The following CFAP54 variants were observed in gnomAD, a reference collection of about 807,000 sequenced individuals.
The protein encoded by CFAP54 is cilia- and flagella-associated protein 54.
CFAP54 carries 290 observed loss-of-function variants against 370.4 expected under a neutral mutation model. The ratio of observed to expected loss-of-function variants is 0.78; its 90% CI spans 0.71 to 0.86. CFAP54 has a LOEUF of 0.86. Ranked by LOEUF, CFAP54 falls within the 40% of genes least tolerant of loss-of-function variation. CFAP54 has a pLI of 0.00. For synonymous variants in CFAP54, 1,206 were observed against 1,236.5 expected (o/e 0.98, Z 0.52); for missense variants, 3,399 against 3,528.7 (o/e 0.96, Z 0.93).
rs543452330 is a variant in CFAP54 at position 96,725,193 on chromosome 12, T to C, written c.6965+4628T>C. Among the ~76,000 whole-genome samples, 33 of 151,816 alleles carry C rather than the reference T, an allele frequency of 2.2e-4. 2 individuals are homozygous for C. In the East Asian group the frequency reaches 6.4e-3, roughly 29 times the overall value. On this transcript the variant is annotated intron_variant, in intron 50 of 67. Transcript: ENST00000524981. ...TGGTTCCATATGAACTTTAAAGTAA[T>C]TTTTTCCAATTCTGTGAAGAAAGTC...
chr12:96,713,348 A>G (rs1957635611), intron 48 of CFAP54, among the ~76,000 whole-genome samples: 1 of 152,198 alleles, frequency 6.6e-6, no homozygotes, highest in African/African-American at 2.4e-5. Context: ...AATATTATTC[A>G]GCCATAAAAA....
chr12:96,578,281 A>G (rs775737116), intron 20 of CFAP54, among the ~76,000 whole-genome samples: 2 of 152,186 alleles, frequency 1.3e-5, no homozygotes, highest in Non-Finnish European at 2.9e-5. Flanking sequence ...GACAACCTTC[A>G]TAGTGCTTTA....
chr12:96,674,028 G>A (rs1172617721), intron 39 of CFAP54, among the ~76,000 whole-genome samples: 2 of 152,224 alleles, frequency 1.3e-5, no homozygotes, highest in Non-Finnish European at 2.9e-5. Flanking sequence ...TAACTCCATG[G>A]ATATGCCTTT....
chr12:96,769,924 C>T (rs948432249), intron 60 of CFAP54, among the ~76,000 whole-genome samples: 3 of 152,164 alleles, frequency 2.0e-5, no homozygotes, highest in African/African-American at 7.2e-5. Context: ...CCTCTTGAAA[C>T]AGAGCAAACC....
intron 23 of CFAP54, among the ~76,000 whole-genome samples, chr12:96,590,114 T>C (rs1344693363): frequency 6.6e-6 from 1 of 152,160 alleles, no homozygotes; most frequent in Non-Finnish European, 1.5e-5. Flanking sequence ...GAAATAAAAA[T>C]ACCAACTACA....
chr12:96,761,759 G>A (rs755404725), intron 58 of CFAP54, among the ~76,000 whole-genome samples: 69 of 152,048 alleles, frequency 4.5e-4, no homozygotes, highest in Non-Finnish European at 7.9e-4. Context: ...TCCTTTTCTC[G>A]TTGGATTGCT....
chr12:96,727,400 T>C, intron 50 of CFAP54, among the ~76,000 whole-genome samples: 1 of 147,730 alleles, frequency 6.8e-6, no homozygotes, highest in Non-Finnish European at 1.5e-5. Flanking sequence ...TTAGCGCTTC[T>C]TGTTGAATTG....
chr12:96,755,042 C>A (rs1011732989), intron 56 of CFAP54, among the ~76,000 whole-genome samples: 1 of 152,130 alleles, frequency 6.6e-6, no homozygotes, highest in Non-Finnish European at 1.5e-5. Context: ...CCAGGCCCAG[C>A]CTGCTAATGC....
Position 96,560,313 on chromosome 12 carries a change from G to A in CFAP54, c.2411-4155G>A, listed in dbSNP as rs546760333. Among the ~76,000 whole-genome samples the A allele has an allele frequency of 3.9e-5, 6 of 151,960 alleles. No individual in the cohort carries two copies. The South Asian group carries it at 6.2e-4, about 16-fold the overall frequency. On this transcript the variant is annotated intron_variant, in intron 17 of 67. Coordinates refer to ENST00000524981, the MANE Select transcript of CFAP54 (RefSeq NM_001306084.2). Reference sequence around the variant, plus strand: ...TCCCAGCCTCTGTTAACCATCATTCGACTCTCTACCTCCATGAGGTAAACT... The same window carrying A: ...TCCCAGCCTCTGTTAACCATCATTCAACTCTCTACCTCCATGAGGTAAACT...
intron 48 of CFAP54, among the ~76,000 whole-genome samples, chr12:96,715,637 T>C (rs903572282): frequency 7.2e-5 from 11 of 152,196 alleles, no homozygotes; most frequent in African/African-American, 2.7e-4. Flanking sequence ...CTTCACTTTT[T>C]CCTATTTTCC....
chr12:96,855,557 T>C (rs990523750), intron 66 of CFAP54, among the ~76,000 whole-genome samples: 1 of 152,192 alleles, frequency 6.6e-6, no homozygotes, highest in South Asian at 2.1e-4. Flanking sequence ...ACAGGCCCCA[T>C]GCAAGTCCAA....
chr12:96,614,086 C>A (rs1220999113), intron 26 of CFAP54, among the ~76,000 whole-genome samples: 1 of 152,152 alleles, frequency 6.6e-6, no homozygotes, highest in Non-Finnish European at 1.5e-5. Context: ...ACCAATATCC[C>A]TGATGAACAT....
intron 63 of CFAP54, among the ~76,000 whole-genome samples, chr12:96,795,826 G>A (rs530483317): frequency 1.9e-4 from 29 of 152,268 alleles, no homozygotes; most frequent in South Asian, 1.7e-3. Flanking sequence ...ATATTTGGTT[G>A]AAATTGCTAC....
intron 17 of CFAP54, among the ~76,000 whole-genome samples, chr12:96,555,853 T>A (rs574616317): frequency 6.9e-4 from 105 of 152,048 alleles, no homozygotes; most frequent in African/African-American, 2.5e-3. Flanking sequence ...TCAATGCAAT[T>A]TCAATAAAAA....
At chr12:96,719,451 A>G (rs1432345467) in intron 49 of CFAP54, among the ~76,000 whole-genome samples, 1 of 152,144 alleles carries the variant, frequency 6.6e-6, no homozygotes, top group Non-Finnish European at 1.5e-5. Flanking sequence ...TTAGGCTGCT[A>G]TTTACTATTG....
chr12:96,538,742 A>G, intron 13 of CFAP54: 1 of 487,628 alleles, frequency 2.1e-6, no homozygotes, highest in South Asian at 2.5e-5. Flanking sequence ...TGAGGAGCGA[A>G]GAGGTGTTTC....
chr12:96,823,989 A>G (rs1959060129), intron 65 of CFAP54, among the ~76,000 whole-genome samples: 1 of 152,202 alleles, frequency 6.6e-6, no homozygotes, highest in Admixed American at 6.5e-5. Flanking sequence ...AAGGAAAATG[A>G]TGATTTCAAC....
intron 51 of CFAP54, among the ~76,000 whole-genome samples, chr12:96,740,685 C>T (rs1958040706): frequency 6.6e-6 from 1 of 152,150 alleles, no homozygotes; most frequent in African/African-American, 2.4e-5. Context: ...AACTAATTGT[C>T]CTCAATAGAG....
intron 32 of CFAP54, among the ~76,000 whole-genome samples, chr12:96,631,992 A>G (rs1432594457): frequency 6.6e-6 from 1 of 151,654 alleles, no homozygotes; most frequent in Non-Finnish European, 1.5e-5. Context: ...CTGTTATTCA[A>G]GGTCTTCACC....
Sources: allele counts gnomAD v4.1 joint callset (sites outside exome capture counted in the v4.1 genomes callset), GRCh38; gene constraint gnomAD v4.1.1; transcripts MANE v1.5; gene names NCBI Gene and HGNC (gene_info 2026-07-23, HGNC 2026-07-21).